The following RMST variants were observed in gnomAD, a reference collection of about 807,000 sequenced individuals.
The protein encoded by RMST is rhabdomyosarcoma 2 associated transcript.
chr12:97,469,631 G>A (rs575600758), intron 5 of RMST, among the ~76,000 whole-genome samples: 12 of 150,886 alleles, frequency 8.0e-5, no homozygotes, highest in Admixed American at 2.0e-4. Flanking sequence ...CAGAGCTAAC[G>A]AGCAGCTGAG....
At chr12:97,505,461 C>T (rs1377144015) in intron 10 of RMST, among the ~76,000 whole-genome samples, 1 of 152,226 alleles carries the variant, frequency 6.6e-6, no homozygotes, top group Non-Finnish European at 1.5e-5. Context: ...AACAGGTTTA[C>T]AGTGAAAACT....
chr12:97,498,217 G>T (rs554385621), intron 10 of RMST, among the ~76,000 whole-genome samples: 47 of 152,206 alleles, frequency 3.1e-4, no homozygotes, highest in Non-Finnish European at 6.3e-4. Context: ...GTAATAAGGG[G>T]CTTTGGCTTC....
chr12:97,520,346 A>C (rs916087661), intron 10 of RMST, among the ~76,000 whole-genome samples: 12 of 152,150 alleles, frequency 7.9e-5, no homozygotes, highest in African/African-American at 2.4e-4. Context: ...TGTTTTAGTC[A>C]ACCTTTCTTA....
At chr12:97,544,249 A>G (rs561333690) in intron 11 of RMST, among the ~76,000 whole-genome samples, 1 of 152,202 alleles carries the variant, frequency 6.6e-6, no homozygotes, top group Non-Finnish European at 1.5e-5. Context: ...CATTCTTACT[A>G]AAACGTATTG....
chr12:97,468,425 T>A (rs1240602917), intron 5 of RMST, among the ~76,000 whole-genome samples: 1 of 152,066 alleles, frequency 6.6e-6, no homozygotes, highest in Admixed American at 6.6e-5. Flanking sequence ...AATACTACAC[T>A]GTATATTGTA....
chr12:97,508,204 A>G (rs1878902285), intron 10 of RMST, among the ~76,000 whole-genome samples: 1 of 152,234 alleles, frequency 6.6e-6, no homozygotes, highest in Non-Finnish European at 1.5e-5. Flanking sequence ...GTTATCTATA[A>G]GAAGTAGTAT....
chr12:97,497,375 G>A (rs1383432315), intron 10 of RMST, among the ~76,000 whole-genome samples: 1 of 152,026 alleles, frequency 6.6e-6, no homozygotes, highest in Non-Finnish European at 1.5e-5. Flanking sequence ...ATGTCCTTTG[G>A]GCCCATGAGG....
intron 10 of RMST, among the ~76,000 whole-genome samples, chr12:97,515,608 A>G (rs1328313309): frequency 6.6e-6 from 1 of 152,122 alleles, no homozygotes; most frequent in Non-Finnish European, 1.5e-5. Context: ...TTAAGTGAAT[A>G]AACATGTTTT....
At chr12:97,512,538 A>C (rs1176544546) in intron 10 of RMST, among the ~76,000 whole-genome samples, 4 of 152,234 alleles carry the variant, frequency 2.6e-5, no homozygotes, top group African/African-American at 9.6e-5. Context: ...CGTCCCCACC[A>C]GATTAGCTAG....
At chr12:97,547,135 AG>A (rs1162891292) in intron 11 of RMST, among the ~76,000 whole-genome samples, 1 of 150,946 alleles carries the variant, frequency 6.6e-6, no homozygotes, top group African/African-American at 2.4e-5. Flanking sequence ...GGTCAACTGG[AG>A]GATGACCTCC....
intron 11 of RMST, among the ~76,000 whole-genome samples, chr12:97,531,317 C>T (rs553634102): frequency 1.4e-4 from 21 of 151,932 alleles, no homozygotes; most frequent in Non-Finnish European, 2.8e-4. Context: ...AAGACATGCT[C>T]AAAGGAAAGC....
At chr12:97,516,323 C>T (rs557015381) in intron 10 of RMST, among the ~76,000 whole-genome samples, 1 of 151,856 alleles carries the variant, frequency 6.6e-6, no homozygotes, top group African/African-American at 2.4e-5. Flanking sequence ...AATAAAACAA[C>T]AGGTGTAGGG....
At chr12:97,563,427 GA>G (rs1884287442) in intron 13 of RMST, 1 of 225,876 alleles carries the variant, frequency 4.4e-6, no homozygotes, top group Non-Finnish European at 8.7e-6. Context: ...GCTTTCTGGG[GA>G]AAAGTTGGAG....
intron 10 of RMST, among the ~76,000 whole-genome samples, chr12:97,524,157 C>T (rs1235534611): frequency 1.4e-5 from 2 of 144,280 alleles, no homozygotes; most frequent in Non-Finnish European, 3.0e-5. Context: ...GTATGTCATT[C>T]TTTCTGTAAC....
intron 10 of RMST, among the ~76,000 whole-genome samples, chr12:97,507,890 A>G (rs1878873192): frequency 1.3e-5 from 2 of 152,206 alleles, no homozygotes; most frequent in Non-Finnish European, 2.9e-5. Flanking sequence ...ATTAAAAGAA[A>G]GTATAGAATG....
chr12:97,557,376 A>G (rs1883780270), intron 11 of RMST, among the ~76,000 whole-genome samples: 1 of 152,182 alleles, frequency 6.6e-6, no homozygotes, highest in African/African-American at 2.4e-5. Context: ...GTGTGCAGCC[A>G]TGTGTGAGGT....
At chr12:97,510,778 A>G (rs1879195031) in intron 10 of RMST, among the ~76,000 whole-genome samples, 1 of 152,230 alleles carries the variant, frequency 6.6e-6, no homozygotes, top group Non-Finnish European at 1.5e-5. Context: ...CAAAAATTTA[A>G]AACAATTCAA....
intron 11 of RMST, among the ~76,000 whole-genome samples, chr12:97,548,223 G>T (rs1220048775): frequency 6.6e-6 from 1 of 151,956 alleles, no homozygotes; most frequent in Non-Finnish European, 1.5e-5. Flanking sequence ...GTTTATTTCT[G>T]GTCACTCTAT....
At chr12:97,519,973 C>T (rs142314667) in intron 10 of RMST, among the ~76,000 whole-genome samples, 10 of 152,226 alleles carry the variant, frequency 6.6e-5, no homozygotes, top group Non-Finnish European at 1.3e-4. Flanking sequence ...TAATTGATCA[C>T]GAGGTAGGCA....
Sources: gnomAD v4.1 joint callset for allele counts (sites outside exome capture counted in the v4.1 genomes callset) on GRCh38, gnomAD v4.1.1 for gene constraint, MANE v1.5 for transcripts, NCBI Gene and HGNC (gene_info 2026-07-23, HGNC 2026-07-21) for gene names.